Variants in POU2F3 observed in about 807,000 individuals in gnomAD.
The protein encoded by POU2F3 is POU class 2 homeobox 3.
Under a neutral mutation model 59.2 loss-of-function variants are expected in POU2F3, and 23 were observed. The observed-to-expected ratio is 0.39, with a 90% CI of 0.28 to 0.55. The LOEUF is 0.55. Ranked by LOEUF, POU2F3 falls within the 20% of genes least tolerant of loss-of-function variation. POU2F3 has a pLI of 0.66. For synonymous variants in POU2F3, 190 were observed against 214.6 expected (o/e 0.89, Z 1.00); for missense variants, 473 against 544.5 (o/e 0.87, Z 1.31).
chr11:120,247,065 T>C (rs1043113705), intron 2 of POU2F3, among the ~76,000 whole-genome samples: 1 of 152,168 alleles, frequency 6.6e-6, no homozygotes, highest in Admixed American at 6.5e-5. Context: ...GGAGGATTCC[T>C]TGAGCCTAGG....
chr11:120,244,657 G>A (rs572390893), intron 1 of POU2F3, among the ~76,000 whole-genome samples: 9 of 152,272 alleles, frequency 5.9e-5, no homozygotes, highest in African/African-American at 2.2e-4. Flanking sequence ...CTGACTCAGG[G>A]CCTCTTCTCA....
chr11:120,294,548 CTA>C (rs1446099667), intron 3 of POU2F3, among the ~76,000 whole-genome samples: 18 of 152,236 alleles, frequency 1.2e-4, no homozygotes, highest in African/African-American at 4.1e-4. Flanking sequence ...AGAAGTCTCT[CTA>C]TCTCATCTTC....
chr11:120,245,983 C>T (rs1436977007), intron 1 of POU2F3, among the ~76,000 whole-genome samples: 1 of 152,114 alleles, frequency 6.6e-6, no homozygotes, highest in Non-Finnish European at 1.5e-5. Flanking sequence ...GGTTTAAGGG[C>T]ACTCTTACCT....
intron 3 of POU2F3, among the ~76,000 whole-genome samples, chr11:120,286,239 A>G (rs1940777941): frequency 1.3e-5 from 2 of 152,182 alleles, no homozygotes; most frequent in Non-Finnish European, 2.9e-5. Flanking sequence ...GATGGATATT[A>G]GGTTGCTTCC....
rs528720909 is a variant in POU2F3 at position 120,289,239 on chromosome 11, C to G, written c.133-9026C>G. On this transcript the variant is annotated intron_variant, in intron 3 of 12. Coordinates refer to ENST00000543440, the MANE Select transcript of POU2F3 (RefSeq NM_014352.4). ...CAGACAATTCCTGAAATAAACAGCC[C>G]TTTGTTAAAAAAGAGAAACCTTTAG... is the stretch of plus-strand genomic sequence containing the variant. Among the ~76,000 whole-genome samples, 8 of 152,216 alleles carry G rather than the reference C, an allele frequency of 5.3e-5. No individual in the cohort carries two copies. In the East Asian group the frequency reaches 1.5e-3, roughly 29 times the overall value.
chr11:120,301,201 A>C, intron 5 of POU2F3: 1 of 411,112 alleles, frequency 2.4e-6, no homozygotes, highest in Non-Finnish European at 4.9e-6. Context: ...AAAGTTACCT[A>C]ACCTCTCTGA....
intron 3 of POU2F3, among the ~76,000 whole-genome samples, chr11:120,288,118 A>AAAAAC (rs1940852104): frequency 8.8e-6 from 1 of 113,828 alleles, no homozygotes; most frequent in Non-Finnish European, 1.7e-5. Context: ...AAGAAAACAA[A>AAAAAC]CAAAAAAACC....
intron 1 of POU2F3, among the ~76,000 whole-genome samples, chr11:120,243,368 G>A (rs1591369365): frequency 6.6e-6 from 1 of 152,046 alleles, no homozygotes; most frequent in African/African-American, 2.4e-5. Context: ...AGCCTGTGGG[G>A]AGTGCTTCCT....
At chr11:120,266,383 C>T (rs1939827348) in intron 2 of POU2F3, among the ~76,000 whole-genome samples, 1 of 152,132 alleles carries the variant, frequency 6.6e-6, no homozygotes, top group Non-Finnish European at 1.5e-5. Flanking sequence ...CCCAGTTGGT[C>T]TCCCTTCCTC....
Position 120,246,177 on chromosome 11 carries a change from T to C in POU2F3, c.29-272T>C, listed in dbSNP as rs578179557. On this transcript the variant is annotated intron_variant, in intron 1 of 12. Transcript: ENST00000543440. ...ACTGAGTCCTGGTGATAGAAGCAAG[T>C]GGCCATGAATGATGCAAAAGGTGAG... is the stretch of plus-strand genomic sequence containing the variant. 3.9e-5 allele frequency among the ~76,000 whole-genome samples: 6 copies of C among 152,152 alleles called. No homozygotes were observed. The East Asian group carries it at 9.7e-4, about 25-fold the overall frequency.
At chr11:120,274,096 G>A (rs867574084) in intron 3 of POU2F3, among the ~76,000 whole-genome samples, 2 of 82,786 alleles carry the variant, frequency 2.4e-5, no homozygotes, top group African/African-American at 5.1e-5. Flanking sequence ...AGAAAGGAAG[G>A]AAGGAAGGAA....
chr11:120,304,910 G>A (rs1264649577), intron 6 of POU2F3, 120 bp from the exon 7 acceptor site: 3 of 782,516 alleles, frequency 3.8e-6, no homozygotes, highest in Non-Finnish European at 5.7e-6. Context: ...GGTGTATCCA[G>A]GGATCTGTCA....
chr11:120,239,374 C>T (rs1938577797), upstream of POU2F3, among the ~76,000 whole-genome samples: 1 of 152,198 alleles, frequency 6.6e-6, no homozygotes, highest in African/African-American at 2.4e-5. Context: ...CAGCCAGGCT[C>T]TGTCACTAGG....
At chr11:120,264,191 ACAC>A (rs1256573325) in intron 2 of POU2F3, among the ~76,000 whole-genome samples, 1 of 23,092 alleles carries the variant, frequency 4.3e-5, no homozygotes, top group Non-Finnish European at 7.0e-5. Flanking sequence ...AAGACCTCAT[ACAC>A]ACACACACAC....
At chr11:120,244,689 G>A (rs1170635745) in intron 1 of POU2F3, among the ~76,000 whole-genome samples, 1 of 152,196 alleles carries the variant, frequency 6.6e-6, no homozygotes, top group African/African-American at 2.4e-5. Flanking sequence ...GAATCCCCAT[G>A]GTGAAGTATG....
intron 1 of POU2F3, among the ~76,000 whole-genome samples, chr11:120,246,222 G>A (rs1938869082): frequency 6.6e-6 from 1 of 152,232 alleles, no homozygotes; most frequent in African/African-American, 2.4e-5. Context: ...AGTGGCACCG[G>A]GGAAAGGGGA....
chr11:120,298,176 C>T, intron 3 of POU2F3, 89 bp from the exon 4 acceptor site: 2 of 1,470,626 alleles, frequency 1.4e-6, no homozygotes, highest in Non-Finnish European at 1.8e-6. Flanking sequence ...GCTGGTCACT[C>T]CTTTCCTGCC....
chr11:120,253,148 C>T (rs886552274), intron 2 of POU2F3, among the ~76,000 whole-genome samples: 2 of 152,136 alleles, frequency 1.3e-5, no homozygotes, highest in African/African-American at 4.8e-5. Flanking sequence ...CTACTGTGCC[C>T]GACAGCCTGC....
intron 3 of POU2F3, among the ~76,000 whole-genome samples, chr11:120,274,108 A>AAGAAAGGAAGG (rs1940212417): frequency 1.2e-4 from 14 of 116,156 alleles, no homozygotes; most frequent in African/African-American, 3.1e-4. Context: ...AGGAAGGAAG[A>AAGAAAGGAAGG]AAGGAAGGAA....
Sources: gnomAD v4.1 joint callset for allele counts (sites outside exome capture counted in the v4.1 genomes callset) on GRCh38, gnomAD v4.1.1 for gene constraint, MANE v1.5 for transcripts, NCBI Gene and HGNC (gene_info 2026-07-23, HGNC 2026-07-21) for gene names.